The following AHI1 variants were observed in gnomAD, a reference collection of about 807,000 sequenced individuals.
AHI1 encodes the protein Abelson helper integration site 1.
In AHI1, 123 loss-of-function variants were observed where a neutral mutation model predicts 149.3. The observed-to-expected ratio is 0.82, with a 90% CI of 0.71 to 0.96. The LOEUF is 0.96. Among genes scored for constraint, AHI1 ranks in the 40% least tolerant of loss-of-function variants. The pLI is 0.00. For missense variants in AHI1, 1,439 were observed against 1,422.7 expected, an observed-to-expected ratio of 1.01 and a Z score of -0.18; for synonymous variants, 475 against 459.8, an observed-to-expected ratio of 1.03 and a Z score of -0.42.
intron 7 of AHI1, 108 bp from the exon 8 acceptor site, chr6:135,463,414 T>A: frequency 1.1e-6 from 1 of 921,280 alleles, no homozygotes; most frequent in Non-Finnish European, 1.6e-6. Flanking sequence ...AATCCTAAAA[T>A]CACTATTATT....
In AHI1 at chr6:135,448,380, A is replaced by G. The variant is rs780920871; in HGVS notation, c.1536T>C (p.Val512=). 1.2e-6 allele frequency: 2 copies of G among 1,610,798 alleles called. No homozygotes were observed. Among genetic ancestry groups the G allele is most frequent in the South Asian group, 2.2e-5 (2 of 90,444 alleles). ...ATTTTGACCACCATTCAAATGCCTC[A>G]ACAACACTTAATGGGGATCGAGGCT... The part of the protein sequence containing the change: ...PTKPRSPLSV[V]EAFEWWSKCP... The change falls in exon 12 of 29, where the codon GTT becomes GTC. Residue 512 remains valine (V), a synonymous_variant. Coordinates refer to ENST00000265602, the MANE Select transcript of AHI1 (RefSeq NM_001134831.2).
chr6:135,408,603 A>G (rs117604578), intron 21 of AHI1, among the ~76,000 whole-genome samples: 2,523 of 152,260 alleles, frequency 0.017, 28 homozygotes, highest in Middle Eastern at 0.051. Flanking sequence ...CTCTAACTTT[A>G]GAAAGAAGAG....
At position 135,465,927 on chromosome 6, in the gene AHI1, C is replaced by T. The variant is rs1790674290; in HGVS notation, c.636G>A (p.Leu212=). 1 of 1,604,108 alleles carries T rather than the reference C, an allele frequency of 6.2e-7. No homozygotes were observed. Among genetic ancestry groups the T allele is most frequent in the East Asian group, 2.2e-5 (1 of 44,738 alleles). The change falls in exon 7 of 29, where the codon CTG becomes CTA. Residue 212 remains leucine, a synonymous_variant. Transcript: ENST00000265602. The part of the protein sequence containing the change: ...KEIKRKIRKK[L]KEQLTYFPSD... ...AGGGAAAGTAAGTCAACTGTTCTTT[C>T]AGTTTCTTTCTTATTTTCCTCTTAA...
At chr6:135,448,978 T>C (rs1787674856) in intron 11 of AHI1, among the ~76,000 whole-genome samples, 1 of 152,214 alleles carries the variant, frequency 6.6e-6, no homozygotes, top group Non-Finnish European at 1.5e-5. Flanking sequence ...TATTTTAGTA[T>C]ATCTTCTTTC....
At chr6:135,355,392 A>C (rs1792792699) in intron 24 of AHI1, among the ~76,000 whole-genome samples, 1 of 152,032 alleles carries the variant, frequency 6.6e-6, no homozygotes, top group Non-Finnish European at 1.5e-5. Context: ...AAGTTCATGT[A>C]GTAAATGAAA....
rs546334430 is a variant in AHI1 at position 135,285,672 on chromosome 6, TAC to T, written c.3589-27_3589-26del. 761 of 1,587,160 alleles carry T rather than the reference TAC, an allele frequency of 4.8e-4. 8 individuals carry two copies. The South Asian group carries it at 7.8e-3, about 16-fold the overall frequency. ...ACTGGAAAGAAAAATACACAAAATG[TAC>T]TAAATAAACTTGAATAATGTCTTCT... On this transcript the variant is annotated intron_variant, in intron 28 of 28. Coordinates refer to ENST00000265602, the MANE Select transcript of AHI1 (RefSeq NM_001134831.2).
chr6:135,301,985 TG>T, intron 26 of AHI1: 1 of 984,610 alleles, frequency 1.0e-6, no homozygotes, highest in South Asian at 4.7e-5. Flanking sequence ...AAATGTGAAA[TG>T]TTTTATTCTT....
intron 5 of AHI1, among the ~76,000 whole-genome samples, chr6:135,476,745 T>C (rs965820850): frequency 1.3e-5 from 2 of 152,202 alleles, no homozygotes; most frequent in African/African-American, 2.4e-5. Flanking sequence ...GCAATATTCT[T>C]TATTGTAAAA....
intron 23 of AHI1, among the ~76,000 whole-genome samples, chr6:135,360,559 A>G (rs1322421886): frequency 6.6e-6 from 1 of 152,118 alleles, no homozygotes; most frequent in African/African-American, 2.4e-5. Flanking sequence ...CAATTCCTTA[A>G]AGTAAATCTT....
At chr6:135,467,560 G>A (rs1790975923) in intron 6 of AHI1, 21 bp downstream of exon 6, 2 of 1,587,210 alleles carry the variant, frequency 1.3e-6, no homozygotes, top group African/African-American at 1.3e-5. Flanking sequence ...TCTTCAGGCT[G>A]TTAGTGTTAG....
intron 23 of AHI1, among the ~76,000 whole-genome samples, chr6:135,383,798 A>G (rs1308553406): frequency 6.6e-6 from 1 of 152,212 alleles, no homozygotes; most frequent in Non-Finnish European, 1.5e-5. Flanking sequence ...GTTGATAGTA[A>G]ACTATATTAA....
chr6:135,403,308 G>A (rs1409227077), intron 22 of AHI1, among the ~76,000 whole-genome samples: 4 of 151,826 alleles, frequency 2.6e-5, no homozygotes, highest in Non-Finnish European at 4.4e-5. Flanking sequence ...TGGGCATTAC[G>A]GTATATAAAT....
At chr6:135,315,097 T>A (rs917526197) in intron 26 of AHI1, among the ~76,000 whole-genome samples, 1 of 152,174 alleles carries the variant, frequency 6.6e-6, no homozygotes, top group Non-Finnish European at 1.5e-5. Context: ...GTATGTCAGC[T>A]CTTTGTTCAT....
intron 5 of AHI1, among the ~76,000 whole-genome samples, chr6:135,487,668 T>C (rs1458459777): frequency 6.6e-6 from 1 of 152,218 alleles, no homozygotes; most frequent in Admixed American, 6.5e-5. Context: ...TTATCTTTTA[T>C]GTTGGGAACA....
intron 3 of AHI1, chr6:135,492,843 A>G (rs902063126): frequency 1.0e-6 from 1 of 985,200 alleles, no homozygotes; most frequent in Admixed American, 6.1e-5. Context: ...ACTACTCAAA[A>G]CCATGGTTCA....
At chr6:135,360,258 C>T (rs553735505) in intron 23 of AHI1, among the ~76,000 whole-genome samples, 1 of 152,188 alleles carries the variant, frequency 6.6e-6, no homozygotes, top group South Asian at 2.1e-4. Context: ...CTTAGCTAGG[C>T]CATGGTACCC....
intron 26 of AHI1, chr6:135,302,711 C>G: frequency 7.9e-7 from 1 of 1,258,122 alleles, no homozygotes; most frequent in South Asian, 1.3e-5. Flanking sequence ...CCTTTACTCA[C>G]TCATTCCTTG....
intron 23 of AHI1, among the ~76,000 whole-genome samples, chr6:135,391,343 A>G (rs1333092504): frequency 1.3e-5 from 2 of 152,206 alleles, no homozygotes; most frequent in African/African-American, 4.8e-5. Flanking sequence ...GGATGAGGAA[A>G]GGTGAACGGT....
intron 26 of AHI1, chr6:135,302,702 C>T: frequency 4.0e-6 from 5 of 1,246,716 alleles, no homozygotes; most frequent in South Asian, 1.4e-5. Flanking sequence ...TTCCAAACAC[C>T]TTTACTCACT....
Sources: allele counts gnomAD v4.1 joint callset (sites outside exome capture counted in the v4.1 genomes callset), GRCh38; gene constraint gnomAD v4.1.1; transcripts MANE v1.5; gene names NCBI Gene and HGNC (gene_info 2026-07-23, HGNC 2026-07-21).